The following TFPI variants were observed in gnomAD, a reference collection of about 807,000 sequenced individuals.
The protein encoded by TFPI is anti-convertin.
A neutral mutation model predicts 34.6 loss-of-function variants in TFPI; 15 were observed. The ratio of observed to expected loss-of-function variants is 0.43; its 90% CI spans 0.29 to 0.67. TFPI has a LOEUF of 0.67. TFPI is among the 30% of genes least tolerant of loss of function. TFPI has a pLI of 0.15. For missense variants in TFPI, 301 were observed against 364.0 expected (o/e 0.83, Z 1.41); for synonymous variants, 105 against 120.1 (o/e 0.87, Z 0.82).
At chr2:187,523,133 T>C (rs1220900209) in intron 1 of TFPI, among the ~76,000 whole-genome samples, 1 of 152,080 alleles carries the variant, frequency 6.6e-6, no homozygotes, top group African/African-American at 2.4e-5. Context: ...TTGTGCAGTT[T>C]TTAAATAGTG....
chr2:187,475,911 C>T (rs1692340376), intron 6 of TFPI, among the ~76,000 whole-genome samples: 1 of 152,180 alleles, frequency 6.6e-6, no homozygotes, highest in Non-Finnish European at 1.5e-5. Flanking sequence ...AGGTTCAGAA[C>T]ATGCTAAATG....
chr2:187,495,599 A>G (rs1051050724), intron 3 of TFPI, among the ~76,000 whole-genome samples: 1 of 152,188 alleles, frequency 6.6e-6, no homozygotes, highest in African/African-American at 2.4e-5. Flanking sequence ...GGGAGCATAC[A>G]ACTAAACATC....
chr2:187,537,264 A>G (rs1688312433), intron 1 of TFPI, among the ~76,000 whole-genome samples: 1 of 152,218 alleles, frequency 6.6e-6, no homozygotes, highest in Admixed American at 6.5e-5. Context: ...GAACCAAAAA[A>G]CAGTCTATAT....
At chr2:187,488,260 C>T (rs1352766372) in intron 4 of TFPI, 77 bp downstream of exon 4, 2 of 1,253,214 alleles carry the variant, frequency 1.6e-6, no homozygotes, top group African/African-American at 1.6e-5. Flanking sequence ...AAAAAACAAA[C>T]AAGCAAACAA....
At chr2:187,551,960 A>G (rs1198199350) in intron 1 of TFPI, among the ~76,000 whole-genome samples, 2 of 152,148 alleles carry the variant, frequency 1.3e-5, no homozygotes, top group African/African-American at 4.8e-5. Context: ...GTATTGTAGT[A>G]CAATTCTTAG....
chr2:187,492,045 T>C (rs1042319261), intron 3 of TFPI, among the ~76,000 whole-genome samples: 2 of 152,054 alleles, frequency 1.3e-5, no homozygotes, highest in Admixed American at 6.6e-5. Context: ...TTTTAAATGG[T>C]TTGTTATTTT....
intron 6 of TFPI, among the ~76,000 whole-genome samples, chr2:187,469,705 T>C (rs552150289): frequency 2.2e-4 from 33 of 152,234 alleles, no homozygotes; most frequent in African/African-American, 5.3e-4. Flanking sequence ...CTAGGCTTAT[T>C]TATCCTACAT....
chr2:187,469,134 G>A (rs1691887317), intron 6 of TFPI, among the ~76,000 whole-genome samples: 1 of 151,938 alleles, frequency 6.6e-6, no homozygotes, highest in Non-Finnish European at 1.5e-5. Flanking sequence ...ACCACCTCCT[G>A]CCTTCTAGAT....
Position 187,466,630 on chromosome 2 carries a change from T to C in TFPI, c.*306A>G, listed in dbSNP as rs918464770. The stretch of plus-strand genomic sequence containing the variant: ...TATTCTCAAACAGATGGTCACCAAA[T>C]GGAATCAAAGGACTGATTTGATGTA... On this transcript the variant is annotated 3_prime_UTR_variant, in exon 8 of 8. Coordinates refer to ENST00000233156, the MANE Select transcript of TFPI (RefSeq NM_006287.6). The C allele has an allele frequency of 5.2e-6, 1 of 193,510 alleles. No individual in the cohort carries two copies. Among genetic ancestry groups the C allele is most frequent in the Non-Finnish European group, 1.1e-5 (1 of 94,980 alleles). The allele number at this position is 193,510 out of a possible 1,614,324, so 12.0% of individuals were successfully genotyped here.
intron 1 of TFPI, among the ~76,000 whole-genome samples, chr2:187,545,969 A>C (rs1688836563): frequency 6.6e-6 from 1 of 152,110 alleles, no homozygotes; most frequent in Non-Finnish European, 1.5e-5. Flanking sequence ...AGAGGCAATA[A>C]GGGGGAAGGG....
intron 3 of TFPI, among the ~76,000 whole-genome samples, chr2:187,492,472 G>A (rs1340732644): frequency 2.6e-5 from 4 of 152,162 alleles, no homozygotes; most frequent in Non-Finnish European, 5.9e-5. Flanking sequence ...TGAATAGAGT[G>A]CCCATTCACC....
intron 1 of TFPI, among the ~76,000 whole-genome samples, chr2:187,520,012 C>T (rs993249143): frequency 1.6e-4 from 24 of 152,220 alleles, no homozygotes; most frequent in Middle Eastern, 3.4e-3. Context: ...CAAGCTAGTG[C>T]GTCCCAGGGC....
chr2:187,478,637 A>G (rs750501586), intron 6 of TFPI: 11 of 1,604,192 alleles, frequency 6.9e-6, no homozygotes, highest in African/African-American at 2.7e-5. Flanking sequence ...GGCATCACGT[A>G]TACATATAAA....
intron 1 of TFPI, among the ~76,000 whole-genome samples, chr2:187,530,203 G>A (rs1248778307): frequency 6.6e-6 from 1 of 152,138 alleles, no homozygotes; most frequent in Non-Finnish European, 1.5e-5. Context: ...GCACTGCCCT[G>A]GAGGTCAATT....
intron 4 of TFPI, among the ~76,000 whole-genome samples, chr2:187,487,372 TATC>T (rs1214505970): frequency 3.3e-5 from 5 of 151,500 alleles, no homozygotes; most frequent in Non-Finnish European, 5.9e-5. Flanking sequence ...ACTTTGCTAT[TATC>T]TTTATTTTAT....
intron 1 of TFPI, chr2:187,514,674 T>C (rs1686872753): frequency 6.6e-6 from 1 of 152,148 alleles, no homozygotes; most frequent in African/African-American, 2.4e-5. Flanking sequence ...ATAACTGGAG[T>C]GGCATTTGTG....
At chr2:187,505,996 T>A (rs13015093) in intron 1 of TFPI, among the ~76,000 whole-genome samples, 40,212 of 150,916 alleles carry the variant, frequency 0.27, 5,416 homozygotes, top group Middle Eastern at 0.31. Context: ...AATTTTTTTT[T>A]TAAAAAAAAG....
At chr2:187,477,478 GTTT>G (rs1370519661) in intron 6 of TFPI, among the ~76,000 whole-genome samples, 1 of 151,978 alleles carries the variant, frequency 6.6e-6, no homozygotes, top group Non-Finnish European at 1.5e-5. Context: ...TTGTTTGTTC[GTTT>G]TTTAAGAACT....
intron 6 of TFPI, among the ~76,000 whole-genome samples, chr2:187,475,003 ACT>A (rs1692280947): frequency 6.6e-6 from 1 of 152,216 alleles, no homozygotes; most frequent in Admixed American, 6.5e-5. Flanking sequence ...TGTTATTGTG[ACT>A]CTGTTCTCCC....
Sources: gnomAD v4.1 joint callset for allele counts (sites outside exome capture counted in the v4.1 genomes callset) on GRCh38, gnomAD v4.1.1 for gene constraint, MANE v1.5 for transcripts, NCBI Gene and HGNC (gene_info 2026-07-23, HGNC 2026-07-21) for gene names.